Variants in PPP2R2C observed in about 807,000 individuals in gnomAD.
PPP2R2C encodes the protein protein phosphatase 2 regulatory subunit Bgamma.
A neutral mutation model predicts 45.3 loss-of-function variants in PPP2R2C; 10 were observed. The ratio of observed to expected loss-of-function variants is 0.22; its 90% CI spans 0.14 to 0.37. The LOEUF (loss-of-function observed/expected upper bound fraction) is 0.37. PPP2R2C is among the 10% of genes least tolerant of loss of function. The pLI is 1.00. For missense variants in PPP2R2C, 308 were observed against 619.7 expected, an observed-to-expected ratio of 0.50 and a Z score of 5.34; for synonymous variants, 257 against 245.4, an observed-to-expected ratio of 1.05 and a Z score of -0.44.
At chr4:6,415,054 G>A (rs1276300591) in intron 1 of PPP2R2C, among the ~76,000 whole-genome samples, 2 of 152,242 alleles carry the variant, frequency 1.3e-5, no homozygotes, top group East Asian at 3.9e-4. Context: ...GGGGACACAG[G>A]GCCATGGAAT....
chr4:6,532,896 G>A (rs1724450431), intron 2 of PPP2R2C, among the ~76,000 whole-genome samples: 1 of 152,226 alleles, frequency 6.6e-6, no homozygotes, highest in African/African-American at 2.4e-5. Context: ...GGGAGGCTGG[G>A]AGACGCATCC....
chr4:6,416,726 G>A (rs1402483213), intron 1 of PPP2R2C, among the ~76,000 whole-genome samples: 1 of 152,220 alleles, frequency 6.6e-6, no homozygotes, highest in Non-Finnish European at 1.5e-5. Flanking sequence ...GCAGCACTGG[G>A]CTCTGAGTCC....
At position 6,453,105 on chromosome 4, in the gene PPP2R2C, G is replaced by A. The variant is rs374476090; in HGVS notation, c.70+19055C>T. On this transcript the variant is annotated intron_variant, in intron 1 of 8. Coordinates refer to ENST00000382599, the MANE Select transcript of PPP2R2C (RefSeq NM_020416.4). ...GCTCATCATAAAGATGAGCAGGTGCGGGGCCGTTCCTGAGCATCGGATACA... is the reference window on the plus strand; with the variant it reads ...GCTCATCATAAAGATGAGCAGGTGCAGGGCCGTTCCTGAGCATCGGATACA... Among the ~76,000 whole-genome samples, 133 of 152,272 alleles carry A rather than the reference G, an allele frequency of 8.7e-4. 1 individual carries two copies. The highest frequency in any genetic ancestry group is 6.8e-3 in the Middle Eastern group (2 of 294).
At chr4:6,370,827 A>C (rs1344548854) in intron 5 of PPP2R2C, among the ~76,000 whole-genome samples, 1 of 152,170 alleles carries the variant, frequency 6.6e-6, no homozygotes, top group Non-Finnish European at 1.5e-5. Context: ...GTGGGGCCCG[A>C]TGTCCTTTCG....
At chr4:6,512,117 TGGG>T (rs1463101957) in intron 2 of PPP2R2C, among the ~76,000 whole-genome samples, 16 of 54,426 alleles carry the variant, frequency 2.9e-4, no homozygotes, top group African/African-American at 8.4e-4. Flanking sequence ...GTGGTGATGG[TGGG>T]GGTGGTGGTG....
rs373634460 is a variant in PPP2R2C at position 6,446,490 on chromosome 4, T to A, written c.70+25670A>T. On this transcript the variant is annotated intron_variant, in intron 1 of 8. Coordinates refer to ENST00000382599, the MANE Select transcript of PPP2R2C (RefSeq NM_020416.4). ...GCCTCCCTGAGCCTCAGTTTCCTCA[T>A]CTGTACAACGGAGATGAATATCACT... Among the ~76,000 whole-genome samples, 34 of 152,228 alleles carry A rather than the reference T, an allele frequency of 2.2e-4. No individual in the cohort carries two copies. In the East Asian group the frequency reaches 3.3e-3, roughly 15 times the overall value.
chr4:6,427,711 G>A (rs957776582), intron 1 of PPP2R2C, among the ~76,000 whole-genome samples: 1 of 152,188 alleles, frequency 6.6e-6, no homozygotes, highest in Admixed American at 6.5e-5. Context: ...TAACAGACAC[G>A]GAGCCCCTGG....
chr4:6,474,609 C>A (rs1722070738), upstream of PPP2R2C, among the ~76,000 whole-genome samples: 1 of 152,212 alleles, frequency 6.6e-6, no homozygotes, highest in Admixed American at 6.5e-5. Flanking sequence ...TGGCCTGACA[C>A]AGTACATCAT....
intron 1 of PPP2R2C, among the ~76,000 whole-genome samples, chr4:6,436,651 T>C (rs999339514): frequency 6.6e-6 from 1 of 152,250 alleles, no homozygotes; most frequent in Non-Finnish European, 1.5e-5. Flanking sequence ...GTCATTGACA[T>C]GAACCAAGGG....
chr4:6,329,604 T>C lies in PPP2R2C; in HGVS notation c.961-251A>G, dbSNP rs543057640. ...CAGCCCAATACAGCCCTGCTCATCT[T>C]ATCGGGGGGCCCACGACCAGGCACA... On this transcript the variant is annotated intron_variant, in intron 7 of 8. Coordinates refer to ENST00000382599, the MANE Select transcript of PPP2R2C (RefSeq NM_020416.4). The surrounding 1 kb of genome is among the most constrained non-coding windows in gnomAD (Gnocchi z 5.8). Among the ~76,000 whole-genome samples the C allele has an allele frequency of 4.9e-4, 60 of 123,576 alleles. 1 individual carries two copies. The highest frequency in any genetic ancestry group is 2.7e-3 in the African/African-American group (55 of 20,256). 81.1% of individuals were successfully genotyped at this position (123,576 alleles called of 152,430 possible).
At chr4:6,353,356 C>A (rs1198045785) in intron 5 of PPP2R2C, among the ~76,000 whole-genome samples, 1 of 63,906 alleles carries the variant, frequency 1.6e-5, no homozygotes, top group African/African-American at 5.8e-5. Context: ...CCCCCCAACA[C>A]TGACAGCCCC....
In PPP2R2C at chr4:6,507,530, G is replaced by A. The variant is rs367900029; in HGVS notation, c.49+27741C>T. Among the ~76,000 whole-genome samples the A allele has an allele frequency of 2.0e-4, 30 of 152,342 alleles. 1 individual carries two copies. Among genetic ancestry groups the A allele is most frequent in the African/African-American group, 6.3e-4 (26 of 41,576 alleles). On this transcript the variant is annotated intron_variant, in intron 2 of 9. Coordinates refer to the PPP2R2C transcript ENST00000506140. Reference sequence around the variant, plus strand: ...CTCTCTATGTGTGGAGTGAGAGGCCGAGCCAGCCTCCAGCTGTTCTAACCA... The same window carrying A: ...CTCTCTATGTGTGGAGTGAGAGGCCAAGCCAGCCTCCAGCTGTTCTAACCA...
upstream of PPP2R2C, among the ~76,000 whole-genome samples, chr4:6,474,041 G>C (rs1017035918): frequency 4.6e-5 from 7 of 152,204 alleles, no homozygotes; most frequent in Non-Finnish European, 8.8e-5. Context: ...TCCCAGCTGT[G>C]CAGACTCCAT....
At chr4:6,479,650 G>A (rs183102003) in intron 2 of PPP2R2C, among the ~76,000 whole-genome samples, 164 of 152,100 alleles carry the variant, frequency 1.1e-3, no homozygotes, top group African/African-American at 3.7e-3. Flanking sequence ...GAGTCCAAAT[G>A]TAATTGCCAG....
At chr4:6,506,064 A>G (rs988601305) in intron 2 of PPP2R2C, among the ~76,000 whole-genome samples, 12 of 152,212 alleles carry the variant, frequency 7.9e-5, no homozygotes, top group African/African-American at 2.9e-4. Context: ...CATGCTGGGC[A>G]AAAGAAGCCA....
chr4:6,464,328 T>G (rs902425318), intron 1 of PPP2R2C, among the ~76,000 whole-genome samples: 1 of 152,198 alleles, frequency 6.6e-6, no homozygotes, highest in African/African-American at 2.4e-5. Flanking sequence ...CAAGGCCCTG[T>G]GTAACTAACA....
At position 6,486,235 on chromosome 4, in the gene PPP2R2C, G is replaced by A. The variant is rs184473977; in HGVS notation, c.49+49036C>T. 9.1e-4 allele frequency among the ~76,000 whole-genome samples: 139 copies of A among 152,074 alleles called. 1 individual carries two copies. The highest frequency in any genetic ancestry group is 1.5e-4 in the Non-Finnish European group (10 of 67,838). On this transcript the variant is annotated intron_variant, in intron 2 of 9. Transcript: ENST00000506140. ...TTTCTAATTTAATTCTATTATGACAGAACATACTTTTTGTGACTTGAGTCC... is the reference window on the plus strand; with the variant it reads ...TTTCTAATTTAATTCTATTATGACAAAACATACTTTTTGTGACTTGAGTCC...
chr4:6,415,792 G>A (rs1036066561), intron 1 of PPP2R2C, among the ~76,000 whole-genome samples: 13 of 152,144 alleles, frequency 8.5e-5, no homozygotes, highest in African/African-American at 3.1e-4. Context: ...TTCTACAACA[G>A]ACCTCCAAGT....
At chr4:6,384,724 T>C (rs1716098171) in intron 1 of PPP2R2C, 6 of 985,502 alleles carry the variant, frequency 6.1e-6, no homozygotes, top group Non-Finnish European at 7.2e-6. Flanking sequence ...TTACAATTTA[T>C]ATGTCATTTT....
Sources: allele counts gnomAD v4.1 joint callset (sites outside exome capture counted in the v4.1 genomes callset), GRCh38; gene constraint gnomAD v4.1.1; non-coding constraint Gnocchi (gnomAD v3.1); transcripts MANE v1.5; gene names NCBI Gene and HGNC (gene_info 2026-07-23, HGNC 2026-07-21).